F3: variants seen among roughly 807,000 people sequenced by gnomAD.
F3 encodes tissue factor.
A neutral mutation model predicts 33.5 loss-of-function variants in F3; 18 were observed. The observed-to-expected ratio is 0.54, with a 90% CI of 0.37 to 0.80. The LOEUF is 0.80. Ranked by LOEUF, F3 falls within the 30% of genes least tolerant of loss-of-function variation. The pLI is 0.00. For synonymous variants in F3, 147 were observed against 140.7 expected (o/e 1.05, Z -0.32); for missense variants, 353 against 362.1 (o/e 0.97, Z 0.20).
intron 2 of F3, among the ~76,000 whole-genome samples, chr1:94,538,317 A>G (rs1012337549): frequency 6.6e-6 from 1 of 152,262 alleles, no homozygotes; most frequent in East Asian, 1.9e-4. Flanking sequence ...GCTTAAGCCA[A>G]TAACATTTCC....
chr1:94,538,264 C>T (rs1480127227), intron 2 of F3, among the ~76,000 whole-genome samples: 2 of 152,214 alleles, frequency 1.3e-5, no homozygotes, highest in African/African-American at 4.8e-5. Flanking sequence ...GAATTCAGAA[C>T]ATTTCCATGG....
chr1:94,533,941 A>G (rs841695), intron 3 of F3, among the ~76,000 whole-genome samples: 83,763 of 151,370 alleles, frequency 0.55, 23,365 homozygotes, highest in East Asian at 0.76. Flanking sequence ...ATCTCAGTTC[A>G]CTGCAACCTC....
rs376235835 is a variant in F3, at chr1:94,541,752, G to C, written c.-116C>G. On this transcript the variant is annotated 5_prime_UTR_variant, in exon 1 of 6. Coordinates refer to ENST00000334047, the MANE Select transcript of F3 (RefSeq NM_001993.5). ...GAGTGCGAGGGGGTGCGGGGAGCTC[G>C]CAGTCTTGGGGAGCCGGTGCCCCGC... 3.0e-5 allele frequency: 16 copies of C among 531,436 alleles called. No homozygotes were observed. In the East Asian group the frequency reaches 3.2e-4, roughly 10 times the overall value. The allele number at this position is 531,436 out of a possible 1,614,324, so 32.9% of individuals were successfully genotyped here. A position where few individuals can be genotyped will look rare whatever the true frequency, so the allele number is the denominator to read the frequency against.
intron 1 of F3, 43 bp from the exon 2 acceptor site, chr1:94,540,411 A>G (rs748061516): frequency 1.5e-6 from 2 of 1,346,624 alleles, no homozygotes; most frequent in Non-Finnish European, 2.1e-6. Context: ...TGCACTTCAG[A>G]GCACTCGAAT....
Position 94,540,249 on chromosome 1 carries a change from C to T in F3, c.212+8G>A. The T allele has an allele frequency of 1.3e-6, 2 of 1,582,444 alleles. No homozygotes were observed. Among genetic ancestry groups the T allele is most frequent in the African/African-American group, 2.7e-5 (2 of 74,320 alleles). Reference sequence around the variant, plus strand: ...GACCTTAATTTTCTTTTTCTGTACCCAGCTTACCTTATTTGAACAGTGTAG... The same window carrying T: ...GACCTTAATTTTCTTTTTCTGTACCTAGCTTACCTTATTTGAACAGTGTAG... On this transcript the variant is annotated splice_region_variant and intron_variant, in intron 2 of 5. Coordinates refer to ENST00000334047, the MANE Select transcript of F3 (RefSeq NM_001993.5).
intron 2 of F3, among the ~76,000 whole-genome samples, chr1:94,539,997 A>C (rs905950391): frequency 1.5e-4 from 23 of 152,210 alleles, no homozygotes; most frequent in African/African-American, 5.5e-4. Context: ...TCATCTCTCC[A>C]CAGTTTATAC....
chr1:94,530,731 A>G, intron 5 of F3, 135 bp from the exon 6 acceptor site: 1 of 1,009,058 alleles, frequency 9.9e-7, no homozygotes, highest in Non-Finnish European at 1.4e-6. Context: ...TTTCCACCAC[A>G]CTTACATTAG....
chr1:94,530,300 C>A lies in F3; in HGVS notation c.*160G>T. On this transcript the variant is annotated 3_prime_UTR_variant, in exon 6 of 6. Coordinates refer to ENST00000334047, the MANE Select transcript of F3 (RefSeq NM_001993.5). Reference sequence around the variant, plus strand: ...AAGTGACTAATGCTGATGTCAAAACCAGAATGCTAATGGTAATAACAGGTC... The same window carrying A: ...AAGTGACTAATGCTGATGTCAAAACAAGAATGCTAATGGTAATAACAGGTC... The A allele has an allele frequency of 1.2e-6, 1 of 810,782 alleles. No individual in the cohort carries two copies. Among genetic ancestry groups the A allele is most frequent in the Non-Finnish European group, 1.9e-6 (1 of 526,830 alleles). The allele number at this position is 810,782 out of a possible 1,614,324, so 50.2% of individuals were successfully genotyped here. A position where few individuals can be genotyped will look rare whatever the true frequency, so the allele number is the denominator to read the frequency against.
chr1:94,533,629 T>G (rs1651500566), intron 3 of F3, among the ~76,000 whole-genome samples: 1 of 152,134 alleles, frequency 6.6e-6, no homozygotes, highest in African/African-American at 2.4e-5. Flanking sequence ...GTATGCAAAT[T>G]TTTTTAAATA....
intron 1 of F3, chr1:94,540,701 G>T (rs1385764920): frequency 3.5e-5 from 8 of 226,854 alleles, no homozygotes; most frequent in Non-Finnish European, 5.1e-5. Context: ...CTCAGCTCAG[G>T]AAGAGTCAGG....
rs191801790 is a variant in F3 at position 94,541,332 on chromosome 1, C to A, written c.100+205G>T. On this transcript the variant is annotated intron_variant, in intron 1 of 5. Coordinates refer to ENST00000334047, the MANE Select transcript of F3 (RefSeq NM_001993.5). ...GCGGAAGGGGCAGCGGGGTCTGGGG[C>A]GCCAACTCCCTCCCTGCAACTCCCG... 3.2e-3 allele frequency among the ~76,000 whole-genome samples: 494 copies of A among 152,318 alleles called. 2 individuals are homozygous for A. Among genetic ancestry groups the A allele is most frequent in the Non-Finnish European group, 5.6e-3 (379 of 68,014 alleles).
At chr1:94,530,686 A>T in intron 5 of F3, 90 bp from the exon 6 acceptor site, 1 of 1,487,514 alleles carries the variant, frequency 6.7e-7, no homozygotes, top group African/African-American at 1.4e-5. Flanking sequence ...AAATTACACC[A>T]TCCTATTTTT....
chr1:94,534,654 G>C (rs764678091), intron 3 of F3, among the ~76,000 whole-genome samples: 4 of 152,058 alleles, frequency 2.6e-5, no homozygotes, highest in Non-Finnish European at 5.9e-5. Context: ...AAATGTCCTT[G>C]GTACCTCGAG....
In F3 at chr1:94,530,582, T is replaced by C. The variant is rs757898442; in HGVS notation, c.766A>G (p.Ile256Val). 2.1e-5 allele frequency: 34 copies of C among 1,613,980 alleles called. 1 individual carries two copies. The highest frequency in any genetic ancestry group is 2.7e-5 in the African/African-American group (2 of 74,892). ...ATGACCACAAATACCACAGCTCCAA[T>C]GATGTAGAATATTTCTGAAAAATAA... ...KGEFREIFYI[I>V]GAVVFVVIIL... Residue 256 changes from isoleucine (I) to valine (V), a missense_variant, in exon 6 of 6, where the codon ATT becomes GTT. By Grantham distance (29) the Ile-to-Val change is conservative. Transcript: ENST00000334047.
rs768099589 is a variant in F3 at position 94,540,285 on chromosome 1, C to T, written c.184G>A (p.Val62Ile). ...ATTTGAACAGTGTAGACTTGATTGA[C>T]GGGTTTGGGTTCCCACTCCAAAATT... ...KTILEWEPKP[V>I]NQVYTVQIST... Residue 62 changes from valine (V) to isoleucine (I), a missense_variant, in exon 2 of 6, where the codon GTC becomes ATC. By Grantham distance (29) the Val-to-Ile change is conservative. Coordinates refer to ENST00000334047, the MANE Select transcript of F3 (RefSeq NM_001993.5). 13 of 1,613,082 alleles carry T rather than the reference C, an allele frequency of 8.1e-6. No homozygotes were observed. The Admixed American group carries it at 1.2e-4, about 15-fold the overall frequency.
chr1:94,539,271 T>G (rs1043082884), intron 2 of F3, among the ~76,000 whole-genome samples: 1 of 151,670 alleles, frequency 6.6e-6, no homozygotes, highest in Non-Finnish European at 1.5e-5. Flanking sequence ...CACACATGCA[T>G]GCACGTATGC....
Position 94,530,602 on chromosome 1 carries a change from A to T in F3, c.752-6T>A. 1 of 1,613,748 alleles carries T rather than the reference A, an allele frequency of 6.2e-7. No homozygotes were observed. The highest frequency in any genetic ancestry group is 8.5e-7 in the Non-Finnish European group (1 of 1,180,008). On this transcript the variant is annotated splice_polypyrimidine_tract_variant and splice_region_variant and intron_variant, in intron 5 of 5. Coordinates refer to ENST00000334047, the MANE Select transcript of F3 (RefSeq NM_001993.5). ...TCCAATGATGTAGAATATTTCTGAA[A>T]AATAAAGGGCATCTAGTCAACTTGG...
intron 2 of F3, among the ~76,000 whole-genome samples, chr1:94,536,838 T>C (rs1429873349): frequency 6.6e-6 from 1 of 152,164 alleles, no homozygotes; most frequent in Admixed American, 6.5e-5. Flanking sequence ...TCATGACCAC[T>C]ATTAATAATA....
At chr1:94,531,785 C>CA (rs911339077) in intron 5 of F3, among the ~76,000 whole-genome samples, 49 of 152,296 alleles carry the variant, frequency 3.2e-4, no homozygotes, top group African/African-American at 1.2e-3. Flanking sequence ...TATGCACATG[C>CA]ATGTACACAC....
Sources: gnomAD v4.1 joint callset for allele counts (sites outside exome capture counted in the v4.1 genomes callset) on GRCh38, gnomAD v4.1.1 for gene constraint, MANE v1.5 for transcripts, NCBI Gene and HGNC (gene_info 2026-07-23, HGNC 2026-07-21) for gene names.